Variants in GRB14 observed in about 807,000 individuals in gnomAD.
The protein encoded by GRB14 is growth factor receptor-bound protein 14.
GRB14 carries 38 observed loss-of-function variants against 69.1 expected under a neutral mutation model. That is an observed-to-expected ratio of 0.55 (90% CI 0.42 to 0.72). GRB14 has a LOEUF of 0.72. GRB14 is among the 30% of genes least tolerant of loss of function. The pLI is 0.00. For synonymous variants in GRB14, 247 were observed against 241.3 expected (o/e 1.02, Z -0.22); for missense variants, 666 against 666.1 (o/e 1.00, Z 0.00).
chr2:164,515,189 T>C (rs1254534193), intron 6 of GRB14, among the ~76,000 whole-genome samples: 1 of 152,048 alleles, frequency 6.6e-6, no homozygotes, highest in Non-Finnish European at 1.5e-5. Flanking sequence ...CACCACCTGA[T>C]CCTCCTTGTA....
At chr2:164,572,603 T>G (rs573319049) in intron 2 of GRB14, among the ~76,000 whole-genome samples, 3 of 152,242 alleles carry the variant, frequency 2.0e-5, no homozygotes, top group African/African-American at 7.2e-5. Context: ...CATCTCATTT[T>G]ACAGATTCAA....
chr2:164,497,110 T>C lies in GRB14; in HGVS notation c.1295-15A>G, dbSNP rs370227620. On this transcript the variant is annotated splice_polypyrimidine_tract_variant and intron_variant, in intron 11 of 13. Transcript: ENST00000263915. ...CCGGTGGATAGCTAAAGAAATAGGA[T>C]GGATGAATGCAAAGCTTTGTTTGAG... is the stretch of plus-strand genomic sequence containing the variant. The C allele has an allele frequency of 1.1e-5, 17 of 1,610,308 alleles. No individual in the cohort carries two copies. In the East Asian group the frequency reaches 1.1e-4, roughly 11 times the overall value.
intron 2 of GRB14, among the ~76,000 whole-genome samples, chr2:164,560,137 C>T (rs1352909551): frequency 6.6e-6 from 1 of 152,116 alleles, no homozygotes; most frequent in Non-Finnish European, 1.5e-5. Flanking sequence ...CTGGCTCCCA[C>T]CTGATGCTGT....
At chr2:164,509,870 C>G (rs1687295165) in intron 6 of GRB14, among the ~76,000 whole-genome samples, 1 of 150,724 alleles carries the variant, frequency 6.6e-6, no homozygotes, top group African/African-American at 2.4e-5. Flanking sequence ...ATCCAAAAAC[C>G]AAAAGAATCT....
At position 164,553,790 on chromosome 2, in the gene GRB14, C is replaced by A. The variant is rs534140335; in HGVS notation, c.325-5974G>T. Among the ~76,000 whole-genome samples the A allele has an allele frequency of 8.2e-4, 125 of 152,200 alleles. 3 individuals are homozygous for A. The Middle Eastern group carries it at 0.041, about 50-fold the overall frequency. ...GACCAGCTTGACCAACATGGAGAAA[C>A]CCCATCTCTACTAAAAATACAATAT... On this transcript the variant is annotated intron_variant, in intron 2 of 13. Transcript: ENST00000263915.
At chr2:164,541,579 C>T (rs115674126) in intron 3 of GRB14, among the ~76,000 whole-genome samples, 2,330 of 151,762 alleles carry the variant, frequency 0.015, 62 homozygotes, top group African/African-American at 0.053. Context: ...TCCACCACTG[C>T]ACTCCACCTC....
intron 2 of GRB14, among the ~76,000 whole-genome samples, chr2:164,617,903 T>C (rs6754749): frequency 0.77 from 112,439 of 146,378 alleles, 43,534 homozygotes; most frequent in Admixed American, 0.82. Context: ...CATTATGTCA[T>C]CATCAGACAT....
At chr2:164,603,192 T>C (rs971143835) in intron 2 of GRB14, among the ~76,000 whole-genome samples, 4 of 152,004 alleles carry the variant, frequency 2.6e-5, no homozygotes, top group African/African-American at 4.8e-5. Context: ...CTTCCACCTA[T>C]GAAAAGGGGA....
chr2:164,582,424 ATTT>A (rs67781422), intron 2 of GRB14, among the ~76,000 whole-genome samples: 5 of 116,150 alleles, frequency 4.3e-5, no homozygotes, highest in Non-Finnish European at 5.3e-5. Flanking sequence ...TTTATTTATT[ATTT>A]TTTTTTTTTT....
chr2:164,543,864 CTG>C (rs888846702), intron 3 of GRB14, among the ~76,000 whole-genome samples: 2 of 152,180 alleles, frequency 1.3e-5, no homozygotes, highest in Non-Finnish European at 2.9e-5. Context: ...AAAGACAAAA[CTG>C]TTTATATTTT....
At chr2:164,537,400 T>C (rs1241013197) in intron 3 of GRB14, among the ~76,000 whole-genome samples, 1 of 152,124 alleles carries the variant, frequency 6.6e-6, no homozygotes, top group Non-Finnish European at 1.5e-5. Flanking sequence ...ACAAGAAAAC[T>C]GAGTAGAAAC....
intron 2 of GRB14, among the ~76,000 whole-genome samples, chr2:164,548,794 C>T (rs1026995304): frequency 4.6e-5 from 7 of 152,148 alleles, no homozygotes; most frequent in African/African-American, 1.7e-4. Flanking sequence ...TTTTGATTTG[C>T]ATTTACCTGA....
chr2:164,532,764 C>G (rs1176125288), intron 3 of GRB14, among the ~76,000 whole-genome samples: 2 of 152,086 alleles, frequency 1.3e-5, no homozygotes, highest in East Asian at 3.9e-4. Flanking sequence ...ATTTTTTAAG[C>G]CACCAAATTT....
At position 164,600,596 on chromosome 2, in the gene GRB14, T is replaced by C. The variant is rs538554115; in HGVS notation, c.324+19091A>G. Among the ~76,000 whole-genome samples, 33 of 152,242 alleles carry C rather than the reference T, an allele frequency of 2.2e-4. No homozygotes were observed. The East Asian group carries it at 3.7e-3, about 17-fold the overall frequency. The stretch of plus-strand genomic sequence containing the variant: ...GTTTTAATGTTTCAGCCTATGGAAA[T>C]AGAGTGTCCAAGGATGAGACCCAGG... On this transcript the variant is annotated intron_variant, in intron 2 of 13. Transcript: ENST00000263915.
chr2:164,568,357 T>C (rs1035023131), intron 2 of GRB14: 1 of 1,288,692 alleles, frequency 7.8e-7, no homozygotes, highest in Admixed American at 2.3e-5. Flanking sequence ...GCAGAGTGAC[T>C]CTTCTTGCAC....
chr2:164,514,923 C>T (rs13015780), intron 6 of GRB14, among the ~76,000 whole-genome samples: 15,787 of 152,104 alleles, frequency 0.1, 956 homozygotes, highest in Middle Eastern at 0.17. Context: ...CTGCGTGAGG[C>T]CTGTAACTGC....
intron 9 of GRB14, among the ~76,000 whole-genome samples, chr2:164,500,140 C>T (rs1443744835): frequency 2.0e-5 from 3 of 152,180 alleles, no homozygotes; most frequent in Admixed American, 2.0e-4. Context: ...CCCCAACCCT[C>T]CGTCCCCTCA....
intron 2 of GRB14, among the ~76,000 whole-genome samples, chr2:164,589,623 C>T (rs905828406): frequency 6.6e-6 from 1 of 152,022 alleles, no homozygotes; most frequent in Non-Finnish European, 1.5e-5. Context: ...TAATTTGCCT[C>T]CCACTCAAGA....
intron 2 of GRB14, among the ~76,000 whole-genome samples, chr2:164,599,185 CAG>C (rs1689858765): frequency 6.6e-6 from 1 of 152,124 alleles, no homozygotes; most frequent in African/African-American, 2.4e-5. Flanking sequence ...TCGATATAGT[CAG>C]AGAGGGCTCA....
Sources: gnomAD v4.1 joint callset for allele counts (sites outside exome capture counted in the v4.1 genomes callset) on GRCh38, gnomAD v4.1.1 for gene constraint, MANE v1.5 for transcripts, NCBI Gene and HGNC (gene_info 2026-07-23, HGNC 2026-07-21) for gene names.